ATAD2: variants seen among roughly 807,000 people sequenced by gnomAD.
The protein encoded by ATAD2 is ATPase family AAA domain-containing protein 2.
ATAD2 carries 62 observed loss-of-function variants against 168.9 expected under a neutral mutation model. The ratio of observed to expected loss-of-function variants is 0.37; its 90% CI spans 0.30 to 0.45. ATAD2 has a LOEUF of 0.45. Among genes scored for constraint, ATAD2 ranks in the 20% least tolerant of loss-of-function variants. The pLI, the probability that ATAD2 is intolerant of heterozygous loss-of-function variation, is 1.00. For missense variants in ATAD2, 1,419 were observed against 1,667.8 expected, an observed-to-expected ratio of 0.85 and a Z score of 2.60; for synonymous variants, 613 against 571.6, an observed-to-expected ratio of 1.07 and a Z score of -1.03.
Position 123,387,868 on chromosome 8 carries a change from T to C in ATAD2, c.172-7191A>G, listed in dbSNP as rs527299584. Among the ~76,000 whole-genome samples, 7 of 152,238 alleles carry C rather than the reference T, an allele frequency of 4.6e-5. No homozygotes were observed. In the South Asian group the frequency reaches 1.2e-3, roughly 27 times the overall value. On this transcript the variant is annotated intron_variant, in intron 1 of 27. Transcript: ENST00000287394. ...TAAATTCATTTTTTAAAAAGCATGT[T>C]TGGGGGGGAGGTCAGTTGTTTGAGT...
At chr8:123,345,220 T>C in intron 18 of ATAD2, 151 bp from the exon 19 acceptor site, 1 of 597,254 alleles carries the variant, frequency 1.7e-6, no homozygotes, top group South Asian at 6.2e-5. Flanking sequence ...CAACCTTATT[T>C]TTAAATGTGG....
chr8:123,345,675 C>T (rs980755399), intron 18 of ATAD2, among the ~76,000 whole-genome samples: 26 of 151,884 alleles, frequency 1.7e-4, no homozygotes, highest in African/African-American at 2.9e-4. Flanking sequence ...AGTAAGACTC[C>T]GTCTCAAAAA....
chr8:123,413,643 T>C (rs1813196484), intron 1 of ATAD2, among the ~76,000 whole-genome samples: 1 of 152,132 alleles, frequency 6.6e-6, no homozygotes, highest in Non-Finnish European at 1.5e-5. Context: ...GCAAGACCCA[T>C]GCCCTGGAAG....
At chr8:123,368,688 C>T (rs1290551158) in intron 8 of ATAD2, among the ~76,000 whole-genome samples, 1 of 152,094 alleles carries the variant, frequency 6.6e-6, no homozygotes, top group East Asian at 1.9e-4. Context: ...TGATAGTATG[C>T]AAAGAAAAGA....
At position 123,347,173 on chromosome 8, in the gene ATAD2, T is replaced by C; in HGVS notation, c.2131A>G (p.Asn711Asp). ...LSTVVKPLLQ[N>D]TVDKILEALQ... ...GCTTCTAAAATCTTGTCAACAGTGTTTTGCAGGAGTGGTTTCACAACGGTG... is the reference window on the plus strand; with the variant it reads ...GCTTCTAAAATCTTGTCAACAGTGTCTTGCAGGAGTGGTTTCACAACGGTG... Residue 711 changes from asparagine (N) to aspartate (D), a missense_variant, in exon 16 of 28, where the codon AAC (asparagine) becomes GAC (aspartate). Asn to Asp is a conservative substitution (Grantham distance 23). Around this residue, in one of 5 missense-constraint regions of ATAD2, gnomAD observed 545 missense variants for 724.9 expected, o/e 0.75. Transcript: ENST00000287394. 6.2e-7 allele frequency: 1 copy of C among 1,614,204 alleles called. No homozygotes were observed. The highest frequency in any genetic ancestry group is 8.5e-7 in the Non-Finnish European group (1 of 1,180,030).
chr8:123,329,807 C>T (rs1001174694), intron 24 of ATAD2, among the ~76,000 whole-genome samples: 21 of 148,042 alleles, frequency 1.4e-4, no homozygotes, highest in Non-Finnish European at 2.5e-4. Flanking sequence ...AGTTTGCTAC[C>T]ATTATCATCA....
intron 24 of ATAD2, among the ~76,000 whole-genome samples, chr8:123,333,097 A>G (rs1484939340): frequency 6.6e-6 from 1 of 152,036 alleles, no homozygotes; most frequent in African/African-American, 2.4e-5. Flanking sequence ...CTAAAAAGGT[A>G]GTGAGGAATG....
In ATAD2 at chr8:123,381,268, C is replaced by T. The variant is rs574224855; in HGVS notation, c.172-591G>A. On this transcript the variant is annotated intron_variant, in intron 1 of 27. Transcript: ENST00000287394. ...ATCCTAGCATTTTGGGAGACCTAGG[C>T]AGGTGGATTGCTTTGAGCTCACAAG... is the stretch of plus-strand genomic sequence containing the variant. Among the ~76,000 whole-genome samples, 44 of 152,194 alleles carry T rather than the reference C, an allele frequency of 2.9e-4. No homozygotes were observed. In the Middle Eastern group the frequency reaches 0.01, roughly 35 times the overall value.
At chr8:123,401,609 G>A (rs1263120764) in intron 1 of ATAD2, 4 of 1,131,652 alleles carry the variant, frequency 3.5e-6, no homozygotes, top group Non-Finnish European at 5.3e-6. Context: ...AGGGCACTGT[G>A]TGTACAAGGT....
chr8:123,395,819 C>G (rs554538125), intron 1 of ATAD2, among the ~76,000 whole-genome samples: 75 of 152,268 alleles, frequency 4.9e-4, no homozygotes, highest in African/African-American at 1.8e-3. Flanking sequence ...CGTGTTGCCT[C>G]CAGGTTGATG....
intron 15 of ATAD2, 61 bp from the exon 16 acceptor site, chr8:123,347,467 CTA>C: frequency 7.1e-7 from 1 of 1,416,632 alleles, no homozygotes; most frequent in Non-Finnish European, 9.5e-7. Context: ...ACACAAAACT[CTA>C]TTAGCATGAC....
chr8:123,357,930 T>C (rs1269166236), intron 11 of ATAD2, among the ~76,000 whole-genome samples, 194 bp from the exon 12 acceptor site: 1 of 152,234 alleles, frequency 6.6e-6, no homozygotes, highest in Non-Finnish European at 1.5e-5. Context: ...AAAATTAATA[T>C]TGAAACTGTA....
At chr8:123,359,484 TA>T in intron 10 of ATAD2, 92 bp downstream of exon 10, 1 of 1,344,702 alleles carries the variant, frequency 7.4e-7, no homozygotes, top group African/African-American at 1.5e-5. Context: ...GAGTTTTGAC[TA>T]AAAAGAAAAA....
intron 1 of ATAD2, among the ~76,000 whole-genome samples, chr8:123,393,946 A>G (rs1420281931): frequency 6.6e-6 from 1 of 152,136 alleles, no homozygotes. Context: ...TAATCCAGGA[A>G]AGAGATTATG....
At chr8:123,362,359 C>G (rs1828852949) in intron 8 of ATAD2, among the ~76,000 whole-genome samples, 1 of 149,562 alleles carries the variant, frequency 6.7e-6, no homozygotes, top group East Asian at 1.9e-4. Flanking sequence ...CAATATTACA[C>G]TATACATAAT....
At chr8:123,396,559 T>C (rs1163456369), upstream of ATAD2, 1 of 574,674 alleles carries the variant, frequency 1.7e-6, no homozygotes, top group Non-Finnish European at 3.0e-6. Flanking sequence ...TCTCCTCCCA[T>C]TTGTAGAGCG....
chr8:123,411,737 A>G (rs1398980663), intron 1 of ATAD2, among the ~76,000 whole-genome samples: 1 of 152,164 alleles, frequency 6.6e-6, no homozygotes, highest in Non-Finnish European at 1.5e-5. Flanking sequence ...TTTTCACTCT[A>G]TTTCAATCTA....
At chr8:123,393,387 T>G (rs1812685303) in intron 1 of ATAD2, among the ~76,000 whole-genome samples, 1 of 151,984 alleles carries the variant, frequency 6.6e-6, no homozygotes, top group Non-Finnish European at 1.5e-5. Context: ...GGCGAGCCCC[T>G]GTAGTTCCAG....
intron 24 of ATAD2, among the ~76,000 whole-genome samples, chr8:123,332,090 G>A (rs1291523586): frequency 6.6e-6 from 1 of 152,104 alleles, no homozygotes; most frequent in African/African-American, 2.4e-5. Flanking sequence ...TATATTTTAT[G>A]GTGGTGATAA....
Sources: allele counts gnomAD v4.1 joint callset (sites outside exome capture counted in the v4.1 genomes callset), GRCh38; gene constraint gnomAD v4.1.1; regional missense constraint gnomAD v4.1.1; transcripts MANE v1.5; gene names NCBI Gene and HGNC (gene_info 2026-07-23, HGNC 2026-07-21).